The following CACNG7 variants were observed in gnomAD, a reference collection of about 807,000 sequenced individuals.
The protein encoded by CACNG7 is calcium voltage-gated channel auxiliary subunit gamma 7, also known as voltage-dependent calcium channel gamma-7 subunit.
CACNG7 carries 9 observed loss-of-function variants against 26.3 expected under a neutral mutation model. The observed-to-expected ratio is 0.34, with a 90% CI of 0.21 to 0.60. CACNG7 has a LOEUF of 0.60. Ranked by LOEUF, CACNG7 falls within the 20% of genes least tolerant of loss-of-function variation. CACNG7 has a pLI of 0.81. For synonymous variants in CACNG7, 170 were observed against 157.0 expected, an observed-to-expected ratio of 1.08 and a Z score of -0.62; for missense variants, 297 against 380.4, an observed-to-expected ratio of 0.78 and a Z score of 1.82.
At position 53,920,695 on chromosome 19, in the gene CACNG7, C is replaced by G. The variant is rs1378679529; in HGVS notation, c.424+5190C>G. Among the ~76,000 whole-genome samples, 14 of 97,740 alleles carry G rather than the reference C, an allele frequency of 1.4e-4. 2 individuals carry two copies. The South Asian group carries it at 2.4e-3, about 17-fold the overall frequency. The allele number at this position is 97,740 out of a possible 152,430, so 64.1% of individuals were successfully genotyped here. A position where few individuals can be genotyped will look rare whatever the true frequency, so the allele number is the denominator to read the frequency against. On this transcript the variant is annotated intron_variant, in intron 4 of 5. Coordinates refer to ENST00000391767, the MANE Select transcript of CACNG7 (RefSeq NM_031896.5). ...TGCCCCAGGTCTGGTCATTGGTGGA[C>G]TTGCTCCAGGTCTGGTCATTGGTGG...
At chr19:53,917,650 G>A (rs1482054857) in intron 4 of CACNG7, among the ~76,000 whole-genome samples, 3 of 152,164 alleles carry the variant, frequency 2.0e-5, no homozygotes, top group Non-Finnish European at 2.9e-5. Flanking sequence ...AGAATATCAC[G>A]ATCCTAGAGT....
At chr19:53,919,043 T>G (rs891784040) in intron 4 of CACNG7, among the ~76,000 whole-genome samples, 1 of 152,240 alleles carries the variant, frequency 6.6e-6, no homozygotes, top group Non-Finnish European at 1.5e-5. Flanking sequence ...GTGCTGGAAT[T>G]GCAGGCGTGA....
Position 53,942,691 on chromosome 19 carries a change from C to T in CACNG7, c.*398C>T. 3.3e-6 allele frequency: 2 copies of T among 603,674 alleles called. No individual in the cohort carries two copies. The highest frequency in any genetic ancestry group is 6.2e-5 in the South Asian group (1 of 16,022). The allele number at this position is 603,674 out of a possible 1,614,324, so 37.4% of individuals were successfully genotyped here. A position where few individuals can be genotyped will look rare whatever the true frequency, so the allele number is the denominator to read the frequency against. ...AACCTCGGACCTCACCGCAGGGGCG[C>T]TGGGCTGGAGAGCAGGTTCGGGCAG... On this transcript the variant is annotated 3_prime_UTR_variant, in exon 6 of 6. Transcript: ENST00000391767. This position sits in a 1 kb window ranked among gnomAD's most constrained non-coding sequence, Gnocchi z 5.9.
rs1430094356 is a variant in CACNG7 at position 53,938,209 on chromosome 19, ATGG to A, written c.425-3255_425-3253del. 2.6e-5 allele frequency among the ~76,000 whole-genome samples: 4 copies of A among 152,156 alleles called. No homozygotes were observed. The East Asian group carries it at 7.8e-4, about 29-fold the overall frequency. On this transcript the variant is annotated intron_variant, in intron 4 of 5. Transcript: ENST00000391767. Reference sequence around the variant, plus strand: ...AAAAAAATGCAAAAGTTAGCCCCGCATGGTGGTGCATGCCTGTTGTCCCAGCTA... The same window carrying A: ...AAAAAAATGCAAAAGTTAGCCCCGCATGGTGCATGCCTGTTGTCCCAGCTA...
Position 53,942,599 on chromosome 19 carries a change from T to G in CACNG7, c.*306T>G. 1 of 1,261,326 alleles carries G rather than the reference T, an allele frequency of 7.9e-7. No homozygotes were observed. The highest frequency in any genetic ancestry group is 1.0e-6 in the Non-Finnish European group (1 of 996,962). The allele number at this position is 1,261,326 out of a possible 1,614,324, so 78.1% of individuals were successfully genotyped here. A position where few individuals can be genotyped will look rare whatever the true frequency, so the allele number is the denominator to read the frequency against. On this transcript the variant is annotated 3_prime_UTR_variant, in exon 6 of 6. Transcript: ENST00000391767. The surrounding 1 kb of genome is among the most constrained non-coding windows in gnomAD (Gnocchi z 5.9). ...TCCAAGAAAATTAGCTCCTCCCTCGTTCTCCACCTGCTCTGAGCTGGGAGC... is the reference window on the plus strand; with the variant it reads ...TCCAAGAAAATTAGCTCCTCCCTCGGTCTCCACCTGCTCTGAGCTGGGAGC...
At chr19:53,934,763 A>AC (rs2069094861) in intron 4 of CACNG7, among the ~76,000 whole-genome samples, 1 of 151,814 alleles carries the variant, frequency 6.6e-6, no homozygotes, top group Non-Finnish European at 1.5e-5. Context: ...ATAGAGCGAG[A>AC]CCCCATCTCA....
At chr19:53,915,630 C>G in intron 4 of CACNG7, 125 bp downstream of exon 4, 1 of 1,077,746 alleles carries the variant, frequency 9.3e-7, no homozygotes, top group South Asian at 1.6e-5. Flanking sequence ...CTCTGAGCCC[C>G]ACTTTCCTTC....
chr19:53,933,697 AGGT>A (rs1215854164), intron 4 of CACNG7, among the ~76,000 whole-genome samples: 1 of 147,154 alleles, frequency 6.8e-6, no homozygotes, highest in African/African-American at 2.5e-5. Context: ...CTTTATACAT[AGGT>A]GGTGCTATTC....
At chr19:53,923,948 A>G (rs1160695201) in intron 4 of CACNG7, among the ~76,000 whole-genome samples, 1 of 106,744 alleles carries the variant, frequency 9.4e-6, no homozygotes, top group African/African-American at 3.9e-5. Flanking sequence ...GTATTGGTGG[A>G]GTTGTCCCCA....
intron 4 of CACNG7, among the ~76,000 whole-genome samples, chr19:53,921,400 T>TCTGGTCATTGGTGGAGTTGCCCCAGG (rs2068950088): frequency 5.7e-5 from 7 of 123,794 alleles, no homozygotes; most frequent in East Asian, 2.9e-4. Flanking sequence ...TTGCCCCAGG[T>TCTGGTCATTGGTGGAGTTGCCCCAGG]CTGGTCATTG....
intron 1 of CACNG7, among the ~76,000 whole-genome samples, chr19:53,910,609 G>T (rs1256375157): frequency 3.3e-5 from 5 of 152,124 alleles, no homozygotes; most frequent in African/African-American, 1.2e-4. Context: ...GTTGATAAAG[G>T]CTAAGGGTCC....
At chr19:53,926,751 A>T (rs2069033725) in intron 4 of CACNG7, among the ~76,000 whole-genome samples, 1 of 146,636 alleles carries the variant, frequency 6.8e-6, no homozygotes, top group African/African-American at 2.7e-5. Flanking sequence ...TATCTCCACT[A>T]AAAATAGAAA....
chr19:53,918,837 C>T (rs1357965093), intron 4 of CACNG7, among the ~76,000 whole-genome samples: 2 of 152,124 alleles, frequency 1.3e-5, no homozygotes, highest in African/African-American at 2.4e-5. Flanking sequence ...GGCGCGATCT[C>T]GGCTCACTGC....
In CACNG7 at chr19:53,942,230, G is replaced by A; in HGVS notation, c.765G>A (p.Thr255=). 6.2e-7 allele frequency: 1 copy of A among 1,613,968 alleles called. No individual in the cohort carries two copies. Among genetic ancestry groups the A allele is most frequent in the Non-Finnish European group, 8.5e-7 (1 of 1,179,942 alleles). The change falls in exon 6 of 6, where the codon ACG becomes ACA. Residue 255 remains threonine (T), a synonymous_variant. Transcript: ENST00000391767. This position sits in a 1 kb window ranked among gnomAD's most constrained non-coding sequence, Gnocchi z 5.9. The part of the protein sequence containing the change: ...DISSDVSIQM[T]QNYPPAIKYP... ...CCAGCGACGTGTCCATCCAAATGAC[G>A]CAGAACTACCCTCCCGCCATCAAGT...
rs1349535384 is a variant in CACNG7 at position 53,940,127 on chromosome 19, C to T, written c.425-1343C>T. ...CATTTAAGGCAGGGAACTTTATAGC[C>T]TCCTTAAGCCACTCTTGGCATGGTT... On this transcript the variant is annotated intron_variant, in intron 4 of 5. Coordinates refer to ENST00000391767, the MANE Select transcript of CACNG7 (RefSeq NM_031896.5). This position sits in a 1 kb window ranked among gnomAD's most constrained non-coding sequence, Gnocchi z 4.1. 6.6e-6 allele frequency among the ~76,000 whole-genome samples: 1 copy of T among 152,108 alleles called. No individual in the cohort carries two copies. Among genetic ancestry groups the T allele is most frequent in the Non-Finnish European group, 1.5e-5 (1 of 68,030 alleles).
At position 53,941,452 on chromosome 19, in the gene CACNG7, C is replaced by T; in HGVS notation, c.425-18C>T. ...GGCCCACTTCTAATGGACGAGGGCACCCCCTCTGCTCCCCTAGGCCTCTCC... is the reference window on the plus strand; with the variant it reads ...GGCCCACTTCTAATGGACGAGGGCATCCCCTCTGCTCCCCTAGGCCTCTCC... On this transcript the variant is annotated intron_variant, in intron 4 of 5. Coordinates refer to ENST00000391767, the MANE Select transcript of CACNG7 (RefSeq NM_031896.5). The T allele has an allele frequency of 6.6e-7, 1 of 1,512,808 alleles. No homozygotes were observed. Among genetic ancestry groups the T allele is most frequent in the Non-Finnish European group, 8.8e-7 (1 of 1,136,496 alleles). The allele number at this position is 1,512,808 out of a possible 1,614,324, so 93.7% of individuals were successfully genotyped here. A position where few individuals can be genotyped will look rare whatever the true frequency, so the allele number is the denominator to read the frequency against.
At chr19:53,934,270 G>A (rs865934782) in intron 4 of CACNG7, among the ~76,000 whole-genome samples, 8 of 152,232 alleles carry the variant, frequency 5.3e-5, no homozygotes, top group Middle Eastern at 3.4e-3. Flanking sequence ...CTGTAACCTG[G>A]AAGTTCTGTC....
intron 5 of CACNG7, 101 bp from the exon 6 acceptor site, chr19:53,941,935 C>T: frequency 7.2e-7 from 1 of 1,392,968 alleles, no homozygotes; most frequent in Non-Finnish European, 9.5e-7. Flanking sequence ...TAGGAAGGGG[C>T]TTGGGGTGGG....
chr19:53,938,439 T>G (rs577009871), intron 4 of CACNG7, among the ~76,000 whole-genome samples: 64 of 152,028 alleles, frequency 4.2e-4, no homozygotes, highest in Non-Finnish European at 7.9e-4. Flanking sequence ...ACCGGACCAT[T>G]TATATACTGC....
Sources: allele counts gnomAD v4.1 joint callset (sites outside exome capture counted in the v4.1 genomes callset), GRCh38; gene constraint gnomAD v4.1.1; non-coding constraint Gnocchi (gnomAD v3.1); transcripts MANE v1.5; gene names NCBI Gene and HGNC (gene_info 2026-07-23, HGNC 2026-07-21).